ARHGDIG: variants seen among roughly 807,000 people sequenced by gnomAD.
ARHGDIG encodes rho GDP-dissociation inhibitor 3.
ARHGDIG carries 14 observed loss-of-function variants against 20.2 expected under a neutral mutation model. The observed-to-expected ratio is 0.69, with a 90% CI of 0.46 to 1.08. The LOEUF (loss-of-function observed/expected upper bound fraction) is 1.08, where lower values mean the gene tolerates loss of function less well. ARHGDIG is among the 50% of genes least tolerant of loss of function. The pLI, the probability that ARHGDIG is intolerant of heterozygous loss-of-function variation, is 0.00. For missense variants in ARHGDIG, 311 were observed against 301.8 expected, an observed-to-expected ratio of 1.03 and a Z score of -0.23; for synonymous variants, 193 against 138.6, an observed-to-expected ratio of 1.39 and a Z score of -2.76.
chr16:281,994 G>A (rs763159792), intron 2 of ARHGDIG, 31 bp from the exon 3 acceptor site: 1 of 1,605,164 alleles, frequency 6.2e-7, no homozygotes, highest in Non-Finnish European at 8.5e-7. Context: ...GGGGGTGGGG[G>A]GCATCCTGCA....
Position 280,879 on chromosome 16 carries a change from TC to T in ARHGDIG, c.73+127del. The T allele has an allele frequency of 2.2e-6, 1 of 456,672 alleles. No individual in the cohort carries two copies. The highest frequency in any genetic ancestry group is 2.2e-5 in the African/African-American group (1 of 46,398). The allele number at this position is 456,672 out of a possible 1,614,324, so 28.3% of individuals were successfully genotyped here. On this transcript the variant is annotated intron_variant, in intron 1 of 5. Coordinates refer to ENST00000219409, the MANE Select transcript of ARHGDIG (RefSeq NM_001176.4). This position sits in a 1 kb window ranked among gnomAD's most constrained non-coding sequence, Gnocchi z 6.6. ...CGCGGCGCCGACCCCCCGGCTGGGG[TC>T]TGGCAGGGGTGGGGGACTTCATCCA...
rs2052275603 is a variant in ARHGDIG at position 280,833 on chromosome 16, T to C, written c.73+80T>C. On this transcript the variant is annotated intron_variant, in intron 1 of 5. Coordinates refer to ENST00000219409, the MANE Select transcript of ARHGDIG (RefSeq NM_001176.4). This position sits in a 1 kb window ranked among gnomAD's most constrained non-coding sequence, Gnocchi z 6.6. ...AGTAGCCCCTCCCCCGCGGCAACTT[T>C]GGGGGCGCGCATGGGGACCTCGCGG... 1.0e-6 allele frequency: 1 copy of C among 980,036 alleles called. No individual in the cohort carries two copies. The highest frequency in any genetic ancestry group is 1.3e-6 in the Non-Finnish European group (1 of 784,362). The allele number at this position is 980,036 out of a possible 1,614,324, so 60.7% of individuals were successfully genotyped here.
intron 1 of ARHGDIG, chr16:281,518 G>C: frequency 1.9e-6 from 1 of 519,870 alleles, no homozygotes; most frequent in Non-Finnish European, 3.4e-6. Context: ...GGCCAGAGGA[G>C]CTGCAGGCCT....
In ARHGDIG at chr16:282,903, T is replaced by TCCCCTGCTGCCTCTGCTG; in HGVS notation, c.*100_*101insTCTGCTGCCCCTGCTGCC. 7.7e-7 allele frequency: 1 copy of TCCCCTGCTGCCTCTGCTG among 1,302,462 alleles called. No homozygotes were observed. Among genetic ancestry groups the TCCCCTGCTGCCTCTGCTG allele is most frequent in the Non-Finnish European group, 1.0e-6 (1 of 963,646 alleles). The allele number at this position is 1,302,462 out of a possible 1,614,324, so 80.7% of individuals were successfully genotyped here. A position where few individuals can be genotyped will look rare whatever the true frequency, so the allele number is the denominator to read the frequency against. On this transcript the variant is annotated 3_prime_UTR_variant, in exon 6 of 6. Coordinates refer to ENST00000219409, the MANE Select transcript of ARHGDIG (RefSeq NM_001176.4). ...GCACCCCCCGTGAGTGACCAGACCC[T>TCCCCTGCTGCCTCTGCTG]CCCCTGCTGCCCCTGCTGCCCCTGC...
Position 280,679 on chromosome 16 carries a change from C to T in ARHGDIG, c.-2C>T. On this transcript the variant is annotated 5_prime_UTR_variant, in exon 1 of 6. Coordinates refer to ENST00000219409, the MANE Select transcript of ARHGDIG (RefSeq NM_001176.4). This position sits in a 1 kb window ranked among gnomAD's most constrained non-coding sequence, Gnocchi z 6.6. The stretch of plus-strand genomic sequence containing the variant: ...TCCGCGGCGCCCGGGCCGCGCGCCG[C>T]CATGCTGGGCCTGGACGCGTGCGAG... 2.7e-6 allele frequency: 3 copies of T among 1,104,902 alleles called. No homozygotes were observed. Among genetic ancestry groups the T allele is most frequent in the Non-Finnish European group, 3.3e-6 (3 of 906,932 alleles). 68.4% of individuals were successfully genotyped at this position (1,104,902 alleles called of 1,614,324 possible). A position where few individuals can be genotyped will look rare whatever the true frequency, so the allele number is the denominator to read the frequency against.
chr16:281,857 T>C lies in ARHGDIG; in HGVS notation c.185T>C (p.Leu62Pro). 2 of 1,611,420 alleles carry C rather than the reference T, an allele frequency of 1.2e-6. No homozygotes were observed. The highest frequency in any genetic ancestry group is 1.7e-6 in the Non-Finnish European group (2 of 1,179,826). Residue 62 changes from leucine to proline, a missense_variant, in exon 2 of 6, where the codon CTG (leucine) becomes CCG (proline). Coordinates refer to ENST00000219409, the MANE Select transcript of ARHGDIG (RefSeq NM_001176.4). ...GRKSLLEIRQ[L>P]DPDDRSLAKY... ...AAGAGCCTCTTGGAGATCCGGCAGC[T>C]GGACCCGGACGACAGGAGCCTGGCC... is the stretch of plus-strand genomic sequence containing the variant.
At chr16:282,583 G>T in intron 5 of ARHGDIG, 32 bp from the exon 6 acceptor site, 1 of 1,565,512 alleles carries the variant, frequency 6.4e-7, no homozygotes, top group Non-Finnish European at 8.6e-7. Flanking sequence ...GGGGCAGACA[G>T]AGGACAGCTC....
At chr16:281,531 C>T (rs1005671937) in intron 1 of ARHGDIG, 6 of 537,162 alleles carry the variant, frequency 1.1e-5, no homozygotes, top group Admixed American at 9.9e-5. Context: ...GCAGGCCTGG[C>T]GGTCTCTGGA....
At chr16:281,549 C>T in intron 1 of ARHGDIG, 197 bp from the exon 2 acceptor site, 1 of 591,088 alleles carries the variant, frequency 1.7e-6, no homozygotes, top group East Asian at 2.9e-5. Flanking sequence ...GGAGGCCCCT[C>T]CTGAAGGTCT....
chr16:281,975 G>T (rs1404565236), intron 2 of ARHGDIG, 50 bp downstream of exon 2: 1 of 1,585,382 alleles, frequency 6.3e-7, no homozygotes, highest in South Asian at 1.1e-5. Context: ...GGCTGGTGAG[G>T]AGCCTGGTGG....
chr16:282,565 G>C (rs765459963), intron 5 of ARHGDIG, 35 bp downstream of exon 5: 8 of 1,545,096 alleles, frequency 5.2e-6, no homozygotes, highest in Non-Finnish European at 7.0e-6. Flanking sequence ...GGGCGGGGGG[G>C]GGAAGCGGGG....
At position 281,854 on chromosome 16, in the gene ARHGDIG, A is replaced by G. The variant is rs768293890; in HGVS notation, c.182A>G (p.Gln61Arg). 79 of 1,611,518 alleles carry G rather than the reference A, an allele frequency of 4.9e-5. 1 individual carries two copies. The East Asian group carries it at 1.1e-3, about 23-fold the overall frequency. ...PGRKSLLEIR[Q>R]LDPDDRSLAK... is the part of the protein sequence containing the mutation. Reference sequence around the variant, plus strand: ...AGGAAGAGCCTCTTGGAGATCCGGCAGCTGGACCCGGACGACAGGAGCCTG... The same window carrying G: ...AGGAAGAGCCTCTTGGAGATCCGGCGGCTGGACCCGGACGACAGGAGCCTG... Residue 61 changes from glutamine (Q) to arginine (R), a missense_variant, in exon 2 of 6, where the codon CAG becomes CGG. Physicochemically the swap from Gln to Arg is conservative, Grantham distance 43. Transcript: ENST00000219409.
At chr16:282,207 C>G in intron 3 of ARHGDIG, 90 bp from the exon 4 acceptor site, 1 of 1,604,344 alleles carries the variant, frequency 6.2e-7, no homozygotes, top group Non-Finnish European at 8.5e-7. Flanking sequence ...CAGTCGCACA[C>G]CTCATGGGTA....
Position 282,906 on chromosome 16 carries a change from C to T in ARHGDIG, c.*92C>T, listed in dbSNP as rs1180369377. On this transcript the variant is annotated 3_prime_UTR_variant, in exon 6 of 6. Coordinates refer to ENST00000219409, the MANE Select transcript of ARHGDIG (RefSeq NM_001176.4). ...CCCCCCGTGAGTGACCAGACCCTCC[C>T]CTGCTGCCCCTGCTGCCCCTGCTGC... The T allele has an allele frequency of 1.3e-5, 12 of 952,616 alleles. No homozygotes were observed. Among genetic ancestry groups the T allele is most frequent in the African/African-American group, 2.5e-5 (1 of 40,392 alleles). 59.0% of individuals were successfully genotyped at this position (952,616 alleles called of 1,614,324 possible). A position where few individuals can be genotyped will look rare whatever the true frequency, so the allele number is the denominator to read the frequency against.
Position 280,758 on chromosome 16 carries a change from G to A in ARHGDIG, c.73+5G>A. 7.8e-7 allele frequency: 1 copy of A among 1,280,156 alleles called. No individual in the cohort carries two copies. Among genetic ancestry groups the A allele is most frequent in the Non-Finnish European group, 9.9e-7 (1 of 1,012,458 alleles). 79.3% of individuals were successfully genotyped at this position (1,280,156 alleles called of 1,614,324 possible). A position where few individuals can be genotyped will look rare whatever the true frequency, so the allele number is the denominator to read the frequency against. ...GGCTGGCGCTGTGCGCCCGAGGTGAGCGGGCCGGGCAGGGGCGGGGGGCTC... is the reference window on the plus strand; with the variant it reads ...GGCTGGCGCTGTGCGCCCGAGGTGAACGGGCCGGGCAGGGGCGGGGGGCTC... On this transcript the variant is annotated splice_donor_5th_base_variant and intron_variant, in intron 1 of 5. Transcript: ENST00000219409. This position sits in a 1 kb window ranked among gnomAD's most constrained non-coding sequence, Gnocchi z 6.6.
At chr16:282,422 CAG>C (rs752239284) in intron 4 of ARHGDIG, 43 bp from the exon 5 acceptor site, 1 of 1,612,074 alleles carries the variant, frequency 6.2e-7, no homozygotes. Flanking sequence ...GGGCAACAGC[CAG>C]AGGCCTGGCC....
chr16:282,407 G>A (rs746221953), intron 4 of ARHGDIG, 34 bp downstream of exon 4: 3 of 1,611,988 alleles, frequency 1.9e-6, no homozygotes, highest in South Asian at 2.2e-5. Context: ...AGGGGATGGG[G>A]GTGGGGGCAA....
chr16:281,693 T>G, intron 1 of ARHGDIG, 53 bp from the exon 2 acceptor site: 1 of 1,500,830 alleles, frequency 6.7e-7, no homozygotes, highest in Non-Finnish European at 8.9e-7. Context: ...AGCCTGGTGC[T>G]CGAATGCCAG....
rs779054675 is a variant in ARHGDIG at position 282,782 on chromosome 16, G to T, written c.646G>T (p.Gly216Cys). The T allele has an allele frequency of 6.2e-7, 1 of 1,608,122 alleles. No homozygotes were observed. The highest frequency in any genetic ancestry group is 1.3e-5 in the African/African-American group (1 of 74,916). The change falls in exon 6 of 6, where the codon GGT (glycine) becomes TGT (cysteine). Residue 216 changes from glycine to cysteine, a missense_variant. Transcript: ENST00000219409. ...GACGCACCACCTGTCCTGGGAGTGGGGTCTCTGCATCTGCCAGGACTGGAA... is the reference window on the plus strand; with the variant it reads ...GACGCACCACCTGTCCTGGGAGTGGTGTCTCTGCATCTGCCAGGACTGGAA... The part of the protein sequence containing the change: ...DRTHHLSWEW[G>C]LCICQDWKD
Sources: allele counts gnomAD v4.1 joint callset, GRCh38; gene constraint gnomAD v4.1.1; non-coding constraint Gnocchi (gnomAD v3.1); transcripts MANE v1.5; gene names NCBI Gene and HGNC (gene_info 2026-07-23, HGNC 2026-07-21).